The following BAALC variants were observed in gnomAD, a reference collection of about 807,000 sequenced individuals.
BAALC encodes the protein BAALC binder of MAP3K1 and KLF4, also known as brain and acute leukemia cytoplasmic protein.
In BAALC, 9 loss-of-function variants were observed where a neutral mutation model predicts 15.5. That is an observed-to-expected ratio of 0.58 (90% CI 0.35 to 1.02). The LOEUF (loss-of-function observed/expected upper bound fraction) is 1.02, where lower values mean the gene tolerates loss of function less well. Ranked by LOEUF, BAALC falls within the 50% of genes least tolerant of loss-of-function variation. The pLI, the probability that BAALC is intolerant of heterozygous loss-of-function variation, is 0.02. For synonymous variants in BAALC, 80 were observed against 74.6 expected, an observed-to-expected ratio of 1.07 and a Z score of -0.37; for missense variants, 201 against 192.4, an observed-to-expected ratio of 1.04 and a Z score of -0.27.
chr8:103,146,960 C>T (rs542216738), intron 1 of BAALC, among the ~76,000 whole-genome samples: 1 of 152,172 alleles, frequency 6.6e-6, no homozygotes, highest in Admixed American at 6.5e-5. Context: ...ATTGCCAGGG[C>T]TTGGTCATTC....
intron 1 of BAALC, among the ~76,000 whole-genome samples, chr8:103,190,122 A>G (rs1179855969): frequency 6.6e-6 from 1 of 152,198 alleles, no homozygotes. Flanking sequence ...CAGAGATTAG[A>G]AAATTGGTGG....
intron 1 of BAALC, among the ~76,000 whole-genome samples, chr8:103,153,466 C>G (rs1352406702): frequency 6.6e-6 from 1 of 152,190 alleles, no homozygotes; most frequent in African/African-American, 2.4e-5. Context: ...ACCACATATG[C>G]TAATATTGAA....
chr8:103,181,785 A>C lies in BAALC; in HGVS notation c.161-31134A>C, dbSNP rs112223900. Among the ~76,000 whole-genome samples, 639 of 152,318 alleles carry C rather than the reference A, an allele frequency of 4.2e-3. 8 individuals are homozygous for C. The highest frequency in any genetic ancestry group is 0.015 in the African/African-American group (611 of 41,580). ...TATTAGCAGTTTCTATGGGCCAAAC[A>C]TGCTGCATACTGGTGGTGGCACCCA... On this transcript the variant is annotated intron_variant, in intron 1 of 2. Transcript: ENST00000309982.
intron 1 of BAALC, among the ~76,000 whole-genome samples, chr8:103,201,990 T>A (rs569672417): frequency 6.6e-6 from 1 of 152,216 alleles, no homozygotes; most frequent in African/African-American, 2.4e-5. Flanking sequence ...TATACATGTC[T>A]ATGCACTGAA....
At chr8:103,194,831 A>G (rs1487395663) in intron 1 of BAALC, among the ~76,000 whole-genome samples, 1 of 152,190 alleles carries the variant, frequency 6.6e-6, no homozygotes, top group Non-Finnish European at 1.5e-5. Flanking sequence ...ATGGTGGAAG[A>G]GCAAAAAATG....
chr8:103,152,182 C>T lies in BAALC; in HGVS notation c.160+11125C>T, dbSNP rs1250940897. On this transcript the variant is annotated intron_variant, in intron 1 of 2. Transcript: ENST00000309982. ...GTTCTACTATGTGTAGAATAAAATC[C>T]CAGTCCCTTCCTTGGCCTCCAGGGG... 3.3e-5 allele frequency among the ~76,000 whole-genome samples: 5 copies of T among 152,134 alleles called. 1 individual carries two copies. The highest frequency in any genetic ancestry group is 2.0e-4 in the Admixed American group (3 of 15,284).
chr8:103,141,111 G>C, intron 1 of BAALC, 54 bp downstream of exon 1: 1 of 1,385,776 alleles, frequency 7.2e-7, no homozygotes, highest in Non-Finnish European at 9.3e-7. Flanking sequence ...CGGGCGCCTT[G>C]GCCCGGGCAC....
chr8:103,222,331 CTG>C (rs923013443), intron 2 of BAALC, among the ~76,000 whole-genome samples: 1 of 132,868 alleles, frequency 7.5e-6, no homozygotes, highest in African/African-American at 2.5e-5. Flanking sequence ...ACAAGAGACT[CTG>C]TGGGGCAATT....
chr8:103,198,251 GACT>G (rs1812139246), intron 1 of BAALC: 2 of 593,952 alleles, frequency 3.4e-6, no homozygotes, highest in Non-Finnish European at 6.0e-6. Context: ...CATTATATTT[GACT>G]ACTATTTTTG....
Position 103,224,368 on chromosome 8 carries a change from A to G in BAALC, c.328-3621A>G. Among the ~76,000 whole-genome samples the G allele has an allele frequency of 1.5e-5, 2 of 130,106 alleles. 1 individual carries two copies. The highest frequency in any genetic ancestry group is 5.5e-4 in the South Asian group (2 of 3,636). The allele number at this position is 130,106 out of a possible 152,430, so 85.4% of individuals were successfully genotyped here. ...GAGGCATGAGACATCAATCAAATAC[A>G]TTTAAGAAATACATTGGTTTGGCTC... On this transcript the variant is annotated intron_variant, in intron 2 of 2. Transcript: ENST00000309982.
chr8:103,150,005 TA>T (rs1303213739), intron 1 of BAALC, among the ~76,000 whole-genome samples: 10 of 152,148 alleles, frequency 6.6e-5, no homozygotes, highest in African/African-American at 2.2e-4. Flanking sequence ...TGAGACTGGG[TA>T]ATTTATAAGG....
intron 1 of BAALC, among the ~76,000 whole-genome samples, chr8:103,177,924 G>A (rs1811642008): frequency 1.3e-5 from 2 of 152,144 alleles, no homozygotes; most frequent in Non-Finnish European, 2.9e-5. Context: ...TATTATTTTA[G>A]AGAAGAAGGA....
chr8:103,216,525 T>C (rs1472565323), intron 2 of BAALC, among the ~76,000 whole-genome samples: 1 of 152,212 alleles, frequency 6.6e-6, no homozygotes, highest in East Asian at 1.9e-4. Context: ...TCTCACTCTA[T>C]CACCCAGGCT....
intron 1 of BAALC, among the ~76,000 whole-genome samples, chr8:103,145,766 A>T (rs1216294075): frequency 6.6e-6 from 1 of 152,246 alleles, no homozygotes; most frequent in Admixed American, 6.5e-5. Flanking sequence ...TGGTACAGTG[A>T]CTAGAACGTA....
intron 2 of BAALC, among the ~76,000 whole-genome samples, chr8:103,227,523 C>A (rs1812832483): frequency 6.6e-6 from 1 of 152,198 alleles, no homozygotes; most frequent in Non-Finnish European, 1.5e-5. Context: ...GGGACAAAGA[C>A]AGGACTAGGA....
intron 2 of BAALC, among the ~76,000 whole-genome samples, chr8:103,223,540 T>C (rs1586445605): frequency 6.6e-6 from 1 of 152,216 alleles, no homozygotes; most frequent in East Asian, 1.9e-4. Context: ...CAGATCTATC[T>C]GGCCCCAAAG....
chr8:103,206,339 T>G (rs1442020645), intron 1 of BAALC, among the ~76,000 whole-genome samples: 1 of 152,082 alleles, frequency 6.6e-6, no homozygotes, highest in African/African-American at 2.4e-5. Flanking sequence ...TTCCCTGAGC[T>G]CTCCCTGAAG....
At chr8:103,224,267 G>T (rs1812749462) in intron 2 of BAALC, among the ~76,000 whole-genome samples, 1 of 152,092 alleles carries the variant, frequency 6.6e-6, no homozygotes, top group South Asian at 2.1e-4. Flanking sequence ...CATGGCCCGT[G>T]ACACACCCTC....
chr8:103,191,794 G>A (rs925069973), intron 1 of BAALC, among the ~76,000 whole-genome samples: 1 of 152,166 alleles, frequency 6.6e-6, no homozygotes, highest in Non-Finnish European at 1.5e-5. Context: ...GCAGGCACTT[G>A]TCAAAAGGGG....
Sources: allele counts gnomAD v4.1 joint callset (sites outside exome capture counted in the v4.1 genomes callset), GRCh38; gene constraint gnomAD v4.1.1; transcripts MANE v1.5; gene names NCBI Gene and HGNC (gene_info 2026-07-23, HGNC 2026-07-21).